IGFBP7: variants seen among roughly 807,000 people sequenced by gnomAD.
IGFBP7 encodes the protein insulin like growth factor binding protein 7.
A neutral mutation model predicts 29.4 loss-of-function variants in IGFBP7; 31 were observed. The observed-to-expected ratio is 1.05, with a 90% CI of 0.79 to 1.42. The LOEUF is 1.42. Ranked by LOEUF, IGFBP7 falls within the 40% of genes most tolerant of loss-of-function variation. The pLI is 0.00. For missense variants in IGFBP7, 393 were observed against 395.5 expected (o/e 0.99, Z 0.05); for synonymous variants, 172 against 174.9 (o/e 0.98, Z 0.13).
chr4:57,090,683 C>A (rs771858537), intron 1 of IGFBP7, among the ~76,000 whole-genome samples: 9 of 151,770 alleles, frequency 5.9e-5, no homozygotes, highest in Non-Finnish European at 1.3e-4. Context: ...CTAAAAATAC[C>A]CATACACACA....
At chr4:57,093,315 ACATGGTGAAACC>A (rs1725682719) in intron 1 of IGFBP7, among the ~76,000 whole-genome samples, 1 of 152,196 alleles carries the variant, frequency 6.6e-6, no homozygotes, top group Non-Finnish European at 1.5e-5. Context: ...AGCCTGGCCA[ACATGGTGAAACC>A]CTATCTCTAG....
intron 1 of IGFBP7, among the ~76,000 whole-genome samples, chr4:57,089,700 C>T (rs1312807364): frequency 6.6e-6 from 1 of 152,200 alleles, no homozygotes; most frequent in Non-Finnish European, 1.5e-5. Flanking sequence ...GCTGACTCAG[C>T]CCCAGTGTCC....
chr4:57,039,357 A>C (rs1258756009), intron 2 of IGFBP7, among the ~76,000 whole-genome samples: 1 of 152,168 alleles, frequency 6.6e-6, no homozygotes, highest in Non-Finnish European at 1.5e-5. Context: ...TAGAGAACAG[A>C]GTTGAGGCTA....
chr4:57,045,689 G>T (rs942981114), intron 1 of IGFBP7, among the ~76,000 whole-genome samples: 1 of 151,384 alleles, frequency 6.6e-6, no homozygotes, highest in Non-Finnish European at 1.5e-5. Context: ...CCACTTACCT[G>T]GTCTGGAAAT....
rs1465161008 is a variant in IGFBP7 at position 57,110,116 on chromosome 4, C to T, written c.236G>A (p.Gly79Glu). 1 of 1,514,834 alleles carries T rather than the reference C, an allele frequency of 6.6e-7. No individual in the cohort carries two copies. Among genetic ancestry groups the T allele is most frequent in the Admixed American group, 2.0e-5 (1 of 48,960 alleles). The allele number at this position is 1,514,834 out of a possible 1,614,324, so 93.8% of individuals were successfully genotyped here. Residue 79 changes from glycine (G) to glutamate (E), a missense_variant, in exon 1 of 5, where the codon GGG (glycine) becomes GAG (glutamate). Transcript: ENST00000295666. ...EPCGGGGAGR[G>E]YCAPGMECVK... is the part of the protein sequence containing the mutation. Reference sequence around the variant, plus strand: ...GCACTCCATGCCCGGCGCGCAGTACCCCCTGCCGGCGCCGCCACCCCCGCA... The same window carrying T: ...GCACTCCATGCCCGGCGCGCAGTACTCCCTGCCGGCGCCGCCACCCCCGCA...
intron 1 of IGFBP7, among the ~76,000 whole-genome samples, chr4:57,092,381 T>C (rs138218687): frequency 6.6e-6 from 1 of 152,144 alleles, no homozygotes; most frequent in East Asian, 1.9e-4. Flanking sequence ...AAACCATGAT[T>C]CCTGGTAATA....
intron 1 of IGFBP7, among the ~76,000 whole-genome samples, chr4:57,094,011 T>C (rs989456481): frequency 6.6e-6 from 1 of 152,170 alleles, no homozygotes; most frequent in Non-Finnish European, 1.5e-5. Flanking sequence ...GGGGTGTGTG[T>C]GTGCATTCTT....
At chr4:57,039,241 C>G (rs1724160566) in intron 2 of IGFBP7, among the ~76,000 whole-genome samples, 1 of 151,972 alleles carries the variant, frequency 6.6e-6, no homozygotes, top group African/African-American at 2.4e-5. Context: ...GAAAAATTTC[C>G]AGGAACAGTA....
At chr4:57,106,804 C>T (rs1226730065) in intron 1 of IGFBP7, among the ~76,000 whole-genome samples, 3 of 152,144 alleles carry the variant, frequency 2.0e-5, no homozygotes, top group African/African-American at 4.8e-5. Flanking sequence ...TCTCTTCCAA[C>T]TATGAAATTT....
At chr4:57,052,345 A>G (rs187961694) in intron 1 of IGFBP7, among the ~76,000 whole-genome samples, 1 of 152,252 alleles carries the variant, frequency 6.6e-6, no homozygotes, top group East Asian at 1.9e-4. Flanking sequence ...AAGGTGCTGG[A>G]TTGAAGAAGG....
At position 57,110,193 on chromosome 4, in the gene IGFBP7, G is replaced by A; in HGVS notation, c.159C>T (p.Thr53=). Residue 53 remains threonine (T), a synonymous_variant, in exon 1 of 5, where the codon ACC becomes ACT. Transcript: ENST00000295666. The stretch of plus-strand genomic sequence containing the variant: ...TAGGGCAGCAGCCGCACGCGTCGCG[G>A]GTCTCGCCCAGCAGGCAGCCCAGCG... ...LPPLGCLLGE[T]RDACGCCPMC... 3.6e-6 allele frequency: 5 copies of A among 1,385,316 alleles called. No individual in the cohort carries two copies. The highest frequency in any genetic ancestry group is 1.5e-5 in the African/African-American group (1 of 66,078). The allele number at this position is 1,385,316 out of a possible 1,614,324, so 85.8% of individuals were successfully genotyped here. A position where few individuals can be genotyped will look rare whatever the true frequency, so the allele number is the denominator to read the frequency against.
chr4:57,046,060 T>G (rs1273720591), intron 1 of IGFBP7, among the ~76,000 whole-genome samples: 1 of 152,034 alleles, frequency 6.6e-6, no homozygotes, highest in Non-Finnish European at 1.5e-5. Flanking sequence ...ACAGAAGTTT[T>G]AGAGAAAGGT....
chr4:57,090,652 T>C (rs997980119), intron 1 of IGFBP7, among the ~76,000 whole-genome samples: 4 of 152,058 alleles, frequency 2.6e-5, no homozygotes, highest in African/African-American at 7.2e-5. Flanking sequence ...GCCTGGCCTA[T>C]GTGGTGAAAC....
intron 1 of IGFBP7, among the ~76,000 whole-genome samples, chr4:57,064,685 G>T (rs965715107): frequency 6.6e-6 from 1 of 152,082 alleles, no homozygotes; most frequent in Non-Finnish European, 1.5e-5. Flanking sequence ...CTAAATGATG[G>T]TATAGCCAAT....
intron 1 of IGFBP7, among the ~76,000 whole-genome samples, chr4:57,076,686 A>T (rs1725236052): frequency 1.3e-5 from 2 of 152,216 alleles, no homozygotes; most frequent in Non-Finnish European, 2.9e-5. Context: ...AAGGAAGAGA[A>T]GCCTGGGGTG....
intron 4 of IGFBP7, chr4:57,032,066 A>G (rs1723945364): frequency 4.8e-6 from 1 of 206,244 alleles, no homozygotes. Flanking sequence ...AAGGGCGAGA[A>G]TTGCCCACAA....
chr4:57,060,130 G>T (rs1324635908), intron 1 of IGFBP7, among the ~76,000 whole-genome samples: 1 of 152,100 alleles, frequency 6.6e-6, no homozygotes, highest in Non-Finnish European at 1.5e-5. Flanking sequence ...TATAAAACAG[G>T]CGAAGTGCAA....
Position 57,110,043 on chromosome 4 carries a change from G to T in IGFBP7, c.309C>A (p.Gly103=), listed in dbSNP as rs769833117. Reference sequence around the variant, plus strand: ...CGCACACGCCGCTTACACCCGGACCGCCGGCTGCTGCCCCGGCTTTACCCT... The same window carrying T: ...CGCACACGCCGCTTACACCCGGACCTCCGGCTGCTGCCCCGGCTTTACCCT... ...RRKGKAGAAA[G]GPGVSGVCVC... is the part of the protein sequence containing the mutation. The change falls in exon 1 of 5, where the codon GGC becomes GGA. Residue 103 remains glycine, a synonymous_variant. Coordinates refer to ENST00000295666, the MANE Select transcript of IGFBP7 (RefSeq NM_001553.3). The T allele has an allele frequency of 5.1e-6, 8 of 1,558,946 alleles. No individual in the cohort carries two copies. In the East Asian group the frequency reaches 1.7e-4, roughly 32 times the overall value.
chr4:57,073,090 G>A (rs1236497678), intron 1 of IGFBP7: 1 of 1,580,532 alleles, frequency 6.3e-7, no homozygotes, highest in Non-Finnish European at 8.7e-7. Flanking sequence ...AGAAGCACCT[G>A]CAAGAAACCT....
Sources: allele counts gnomAD v4.1 joint callset (sites outside exome capture counted in the v4.1 genomes callset), GRCh38; gene constraint gnomAD v4.1.1; transcripts MANE v1.5; gene names NCBI Gene and HGNC (gene_info 2026-07-23, HGNC 2026-07-21).